The following NEK1 variants were observed in gnomAD, a reference collection of about 807,000 sequenced individuals.
The protein encoded by NEK1 is NIMA related kinase 1.
In NEK1, 137 loss-of-function variants were observed where a neutral mutation model predicts 182.1. That is an observed-to-expected ratio of 0.75 (90% CI 0.65 to 0.87). The LOEUF (loss-of-function observed/expected upper bound fraction) is 0.87. Among genes scored for constraint, NEK1 ranks in the 40% least tolerant of loss-of-function variants. NEK1 has a pLI of 0.00. For missense variants in NEK1, 1,391 were observed against 1,494.4 expected (o/e 0.93, Z 1.14); for synonymous variants, 513 against 492.2 (o/e 1.04, Z -0.56).
At chr4:169,536,167 C>T (rs979555732) in intron 19 of NEK1, among the ~76,000 whole-genome samples, 2 of 151,398 alleles carry the variant, frequency 1.3e-5, no homozygotes, top group African/African-American at 2.4e-5. Context: ...CGTGGTGGTA[C>T]ACACCTGTGA....
Position 169,406,682 on chromosome 4 carries a change from G to A in NEK1, c.3288C>T (p.Thr1096=), listed in dbSNP as rs751862269. Residue 1096 remains threonine, a synonymous_variant, in exon 32 of 36, where the codon ACC becomes ACT. Transcript: ENST00000507142. ...GATTGTCTTGACGAACATCTCCTACGGTGGGAACATCCATAAGGGTTCTGA... is the reference window on the plus strand; with the variant it reads ...GATTGTCTTGACGAACATCTCCTACAGTGGGAACATCCATAAGGGTTCTGA... ...KLFRTLMDVP[T]VGDVRQDNLE... The A allele has an allele frequency of 1.6e-5, 26 of 1,609,166 alleles. No homozygotes were observed. Among genetic ancestry groups the A allele is most frequent in the Middle Eastern group, 3.3e-4 (2 of 6,068 alleles).
chr4:169,577,730 G>A (rs1188062082), intron 11 of NEK1, among the ~76,000 whole-genome samples: 1 of 151,808 alleles, frequency 6.6e-6, no homozygotes, highest in East Asian at 1.9e-4. Context: ...CTCCAGCCTG[G>A]GCGACAGAAT....
At chr4:169,512,662 CAA>C (rs1013437455) in intron 19 of NEK1, among the ~76,000 whole-genome samples, 6 of 152,074 alleles carry the variant, frequency 3.9e-5, no homozygotes, top group Admixed American at 3.9e-4. Flanking sequence ...CTCTTGGTGT[CAA>C]GTCTAATAAC....
chr4:169,607,706 G>A lies in NEK1; in HGVS notation c.-49+4314C>T, dbSNP rs532496873. Among the ~76,000 whole-genome samples, 36 of 151,984 alleles carry A rather than the reference G, an allele frequency of 2.4e-4. No individual in the cohort carries two copies. The East Asian group carries it at 3.3e-3, about 14-fold the overall frequency. ...TCTCGATCTCCTGACCTTGTGATCCGCCCGCCTCAGCCTCCCAAAGTGCTG... is the reference window on the plus strand; with the variant it reads ...TCTCGATCTCCTGACCTTGTGATCCACCCGCCTCAGCCTCCCAAAGTGCTG... On this transcript the variant is annotated intron_variant, in intron 2 of 35. Coordinates refer to ENST00000507142, the MANE Select transcript of NEK1 (RefSeq NM_001199397.3).
intron 27 of NEK1, among the ~76,000 whole-genome samples, chr4:169,458,633 GGGA>G (rs1380443160): frequency 6.6e-6 from 1 of 151,836 alleles, no homozygotes; most frequent in Non-Finnish European, 1.5e-5. Context: ...GGTTTGAGGT[GGGA>G]GGATCACATG....
chr4:169,475,310 C>G (rs1746744096), intron 26 of NEK1, among the ~76,000 whole-genome samples: 1 of 152,154 alleles, frequency 6.6e-6, no homozygotes, highest in African/African-American at 2.4e-5. Context: ...TCTATTCCTA[C>G]CAGCCAAACT....
intron 27 of NEK1, among the ~76,000 whole-genome samples, chr4:169,455,870 C>T (rs1015196892): frequency 1.3e-5 from 2 of 152,112 alleles, no homozygotes; most frequent in African/African-American, 2.4e-5. Context: ...TGGACCTAAT[C>T]GATATCTACA....
At chr4:169,540,936 C>T (rs745800968) in intron 18 of NEK1, among the ~76,000 whole-genome samples, 88 of 150,934 alleles carry the variant, frequency 5.8e-4, no homozygotes, top group Middle Eastern at 3.4e-3. Context: ...CTTTCCTTTT[C>T]TTATTGTAAA....
At chr4:169,527,117 G>A (rs955405243) in intron 19 of NEK1, among the ~76,000 whole-genome samples, 1 of 152,172 alleles carries the variant, frequency 6.6e-6, no homozygotes, top group Non-Finnish European at 1.5e-5. Context: ...GAACATTCAG[G>A]TGAGAATTTC....
intron 11 of NEK1, among the ~76,000 whole-genome samples, chr4:169,578,563 TAGTATAAATTA>T (rs1580915453): frequency 6.6e-6 from 1 of 152,180 alleles, no homozygotes; most frequent in East Asian, 1.9e-4. Flanking sequence ...CATCATATAA[TAGTATAAATTA>T]AAAGAAACAA....
intron 18 of NEK1, among the ~76,000 whole-genome samples, chr4:169,549,484 G>A (rs868812899): frequency 2.6e-5 from 4 of 152,152 alleles, no homozygotes; most frequent in Admixed American, 6.5e-5. Flanking sequence ...GTGCAATGGC[G>A]TGATCTCGGC....
chr4:169,430,756 A>G (rs967453671), intron 29 of NEK1, among the ~76,000 whole-genome samples: 7 of 152,204 alleles, frequency 4.6e-5, no homozygotes, highest in Admixed American at 2.0e-4. Flanking sequence ...TTAAGTTAAT[A>G]GTAATGTGTC....
rs1443349993 is a variant in NEK1, at chr4:169,515,630, C to T, written c.1666-6778G>A. 1.6e-3 allele frequency among the ~76,000 whole-genome samples: 183 copies of T among 117,458 alleles called. 1 individual carries two copies. The highest frequency in any genetic ancestry group is 5.5e-3 in the African/African-American group (170 of 30,742). 77.1% of individuals were successfully genotyped at this position (117,458 alleles called of 152,430 possible). On this transcript the variant is annotated intron_variant, in intron 19 of 35. Transcript: ENST00000507142. ...ATGTGTCATCTAGCATTAGGTATATCTCCCAATGCTATCCCTCCCCCCTCC... is the reference window on the plus strand; with the variant it reads ...ATGTGTCATCTAGCATTAGGTATATTTCCCAATGCTATCCCTCCCCCCTCC...
intron 31 of NEK1, among the ~76,000 whole-genome samples, chr4:169,414,845 T>C: frequency 6.6e-6 from 1 of 152,196 alleles, no homozygotes; most frequent in East Asian, 1.9e-4. Context: ...CAATGGTGAA[T>C]GAACAAAATG....
chr4:169,549,011 G>A (rs1202588523), intron 18 of NEK1, among the ~76,000 whole-genome samples: 1 of 152,186 alleles, frequency 6.6e-6, no homozygotes, highest in East Asian at 1.9e-4. Context: ...GGTGCCACTA[G>A]GGTATGAAAA....
intron 31 of NEK1, among the ~76,000 whole-genome samples, chr4:169,407,044 A>G (rs1732764790): frequency 6.6e-6 from 1 of 152,132 alleles, no homozygotes; most frequent in Non-Finnish European, 1.5e-5. Flanking sequence ...TTAGCACAGG[A>G]ATTCCCTGAT....
intron 4 of NEK1, among the ~76,000 whole-genome samples, chr4:169,600,709 A>C (rs1770337148): frequency 6.6e-6 from 1 of 152,214 alleles, no homozygotes; most frequent in African/African-American, 2.4e-5. Flanking sequence ...AACTCCTGAA[A>C]ACTATAATTC....
At position 169,405,279 on chromosome 4, in the gene NEK1, T is replaced by G. The variant is rs192220962; in HGVS notation, c.3374+1317A>C. Among the ~76,000 whole-genome samples the G allele has an allele frequency of 2.6e-5, 4 of 152,308 alleles. No individual in the cohort carries two copies. In the East Asian group the frequency reaches 7.7e-4, roughly 29 times the overall value. On this transcript the variant is annotated intron_variant, in intron 32 of 35. Transcript: ENST00000507142. The stretch of plus-strand genomic sequence containing the variant: ...CTAAGCTACAAACCTGTACAGCATA[T>G]GACTGTACTCAGTACTGGAAGCAAC...
chr4:169,453,232 A>T (rs1324751052), intron 27 of NEK1, among the ~76,000 whole-genome samples: 2 of 152,254 alleles, frequency 1.3e-5, no homozygotes, highest in East Asian at 3.8e-4. Flanking sequence ...AAATGGACAC[A>T]CTGCCCAAAG....
Sources: allele counts gnomAD v4.1 joint callset (sites outside exome capture counted in the v4.1 genomes callset), GRCh38; gene constraint gnomAD v4.1.1; transcripts MANE v1.5; gene names NCBI Gene and HGNC (gene_info 2026-07-23, HGNC 2026-07-21).